RYR1: variants seen among roughly 807,000 people sequenced by gnomAD.
The protein encoded by RYR1 is ryanodine receptor 1, also known as central core disease of muscle.
Under a neutral mutation model 583.5 loss-of-function variants are expected in RYR1, and 342 were observed. The ratio of observed to expected loss-of-function variants is 0.59; its 90% confidence interval spans 0.54 to 0.64. The LOEUF is 0.64. Among genes scored for constraint, RYR1 ranks in the 30% least tolerant of loss-of-function variants. The probability of loss-of-function intolerance (pLI) is 0.00; values close to 1 mark genes in which losing one functional copy is unlikely to be tolerated. For missense variants in RYR1, 6,032 were observed against 6,917.2 expected (o/e 0.87, Z 4.54); for synonymous variants, 2,791 against 2,822.5 (o/e 0.99, Z 0.35).
intron 76 of RYR1, among the ~76,000 whole-genome samples, chr19:38,530,905 C>T (rs936652129): frequency 1.3e-5 from 2 of 151,650 alleles, no homozygotes; most frequent in African/African-American, 2.4e-5. Context: ...CGGGTTCAAG[C>T]GATTCTCCTG....
rs759996435 is a variant in RYR1 at position 38,548,258 on chromosome 19, C to T, written c.12120C>T (p.Ala4040=). 6 of 1,614,088 alleles carry T rather than the reference C, an allele frequency of 3.7e-6. No individual in the cohort carries two copies. The highest frequency in any genetic ancestry group is 5.1e-6 in the Non-Finnish European group (6 of 1,180,042). Residue 4040 remains alanine (A), a synonymous_variant, in exon 89 of 106, where the codon GCC becomes GCT. Transcript: ENST00000359596. ...LEGNVVNGMI[A]RQMVDMLVES... is the part of the protein sequence containing the mutation. The stretch of plus-strand genomic sequence containing the variant: ...GGAACGTGGTGAACGGCATGATCGC[C>T]CGGCAGATGGTGGACATGCTCGTGG...
chr19:38,539,702 A>G (rs946249375), intron 84 of RYR1, among the ~76,000 whole-genome samples: 2 of 152,172 alleles, frequency 1.3e-5, no homozygotes, highest in African/African-American at 2.4e-5. Flanking sequence ...GCCTAAATTC[A>G]TGACCTAATC....
chr19:38,440,780 G>A lies in RYR1; in HGVS notation c.81G>A (p.Val27=), dbSNP rs2145320410. The A allele has an allele frequency of 8.1e-6, 13 of 1,609,016 alleles. No homozygotes were observed. The highest frequency in any genetic ancestry group is 1.1e-5 in the Non-Finnish European group (13 of 1,178,760). Residue 27 remains valine (V), a synonymous_variant, in exon 2 of 106, where the codon GTG becomes GTA. Transcript: ENST00000359596. ...TGGTCCTGCAGTGCAGCGCTACCGT[G>A]CTCAAGGAGCAGCTCAAGCTCTGCC... ...DEVVLQCSAT[V]LKEQLKLCLA...
chr19:38,538,270 C>T (rs1972061305), intron 84 of RYR1, among the ~76,000 whole-genome samples: 1 of 152,118 alleles, frequency 6.6e-6, no homozygotes, highest in Non-Finnish European at 1.5e-5. Flanking sequence ...CGTGGTGGCA[C>T]ATGCTTGTAG....
In RYR1 at chr19:38,525,374, G is replaced by A. The variant is rs1971421824; in HGVS notation, c.10498G>A (p.Gly3500Arg). 1 of 1,613,992 alleles carries A rather than the reference G, an allele frequency of 6.2e-7. No homozygotes were observed. The highest frequency in any genetic ancestry group is 1.1e-5 in the South Asian group (1 of 91,078). The stretch of plus-strand genomic sequence containing the variant: ...GGAACGCACCAAGAAGAAGCGCCGG[G>A]GGGACCGGTACTCTGTGCAGACGTC... Reference protein sequence around the residue: ...DQERTKKKRRGDRYSVQTSLI... With the variant: ...DQERTKKKRRRDRYSVQTSLI... Residue 3500 changes from glycine (G) to arginine (R), a missense_variant, in exon 71 of 106, where the codon GGG becomes AGG. Around this residue, in one of 11 missense-constraint regions of RYR1, gnomAD observed 1,493 missense variants for 1,715.5 expected, o/e 0.87. Coordinates refer to ENST00000359596, the MANE Select transcript of RYR1 (RefSeq NM_000540.3).
intron 33 of RYR1, among the ~76,000 whole-genome samples, chr19:38,484,093 G>T (rs923686996): frequency 3.9e-5 from 6 of 152,094 alleles, no homozygotes; most frequent in African/African-American, 9.7e-5. Context: ...TTGGGAGGCT[G>T]AGGCAGGCAG....
At chr19:38,436,871 T>A (rs115997727) in intron 1 of RYR1, among the ~76,000 whole-genome samples, 2,419 of 152,066 alleles carry the variant, frequency 0.016, 87 homozygotes, top group African/African-American at 0.054. Flanking sequence ...GGTGGTGACC[T>A]CTACCCTTAC....
At chr19:38,454,637 T>C (rs1271528880) in intron 13 of RYR1, among the ~76,000 whole-genome samples, 1 of 152,222 alleles carries the variant, frequency 6.6e-6, no homozygotes, top group Non-Finnish European at 1.5e-5. Context: ...GTATTTCCCC[T>C]AGAAGCAGTG....
chr19:38,493,367 C>T (rs1294304972), intron 38 of RYR1, among the ~76,000 whole-genome samples: 1 of 152,118 alleles, frequency 6.6e-6, no homozygotes, highest in Non-Finnish European at 1.5e-5. Flanking sequence ...GATTTCCTGA[C>T]GTTGGTACAG....
Position 38,502,846 on chromosome 19 carries a change from C to G in RYR1, c.7836-34C>G, listed in dbSNP as rs373543784. 3.4e-5 allele frequency: 55 copies of G among 1,597,946 alleles called. No homozygotes were observed. The Admixed American group carries it at 8.2e-4, about 24-fold the overall frequency. On this transcript the variant is annotated intron_variant, in intron 48 of 105. Coordinates refer to ENST00000359596, the MANE Select transcript of RYR1 (RefSeq NM_000540.3). ...GCAGGGGCAGCAGAGCGGGCCTGGACGGGGGATTCTACATCTTGTGCATTG... is the reference window on the plus strand; with the variant it reads ...GCAGGGGCAGCAGAGCGGGCCTGGAGGGGGGATTCTACATCTTGTGCATTG...
At chr19:38,480,879 C>T (rs537416594) in intron 31 of RYR1, among the ~76,000 whole-genome samples, 2 of 151,986 alleles carry the variant, frequency 1.3e-5, no homozygotes, top group African/African-American at 4.8e-5. Flanking sequence ...AGGTGTGCGC[C>T]ACCACACCCA....
chr19:38,492,692 T>C, intron 38 of RYR1, 56 bp downstream of exon 38: 1 of 1,547,568 alleles, frequency 6.5e-7, no homozygotes, highest in Non-Finnish European at 8.8e-7. Context: ...GCCCCATGCC[T>C]GCGGAGCCTC....
chr19:38,449,198 G>T (rs1328763397), intron 11 of RYR1, among the ~76,000 whole-genome samples: 2 of 152,218 alleles, frequency 1.3e-5, no homozygotes, highest in Non-Finnish European at 2.9e-5. Context: ...GGTGGCTCAT[G>T]CCTGTAATCC....
intron 31 of RYR1, among the ~76,000 whole-genome samples, chr19:38,481,687 G>A (rs1969017425): frequency 6.6e-6 from 1 of 152,224 alleles, no homozygotes. Flanking sequence ...CCTGGAGGCT[G>A]AGGCAGGAGG....
Position 38,565,106 on chromosome 19 carries a change from G to A in RYR1, c.12772G>A (p.Glu4258Lys). Residue 4258 changes from glutamate (E) to lysine (K), a missense_variant, in exon 91 of 106, where the codon GAG becomes AAG. By Grantham distance (56) the Glu-to-Lys change is moderately conservative (BLOSUM62 1). Transcript: ENST00000359596. The surrounding 1 kb of genome is among the most constrained non-coding windows in gnomAD (Gnocchi z 4.7). ...AQISEPEGEPETDEDEGAGAA... is the reference protein window; with the variant it reads ...AQISEPEGEPKTDEDEGAGAA... ...GATCTCGGAGCCCGAGGGCGAGCCGGAGACCGACGAGGACGAGGGCGCGGG... is the reference window on the plus strand; with the variant it reads ...GATCTCGGAGCCCGAGGGCGAGCCGAAGACCGACGAGGACGAGGGCGCGGG... 6.5e-7 allele frequency: 1 copy of A among 1,545,484 alleles called. No homozygotes were observed. The highest frequency in any genetic ancestry group is 8.7e-7 in the Non-Finnish European group (1 of 1,148,922).
chr19:38,526,957 C>T (rs1240597250), intron 71 of RYR1, 36 bp from the exon 72 acceptor site: 1 of 1,611,396 alleles, frequency 6.2e-7, no homozygotes, highest in Non-Finnish European at 8.5e-7. Flanking sequence ...GAGGATGGGA[C>T]CTCCAGAGTG....
chr19:38,529,064 ACT>A lies in RYR1; in HGVS notation c.11141+10_11141+11del. 6.2e-7 allele frequency: 1 copy of A among 1,612,864 alleles called. No homozygotes were observed. The highest frequency in any genetic ancestry group is 1.1e-5 in the South Asian group (1 of 90,958). ...CTGCCCTGACGGAAAAGAGGTGAAGACTCTTGCCAGGGCCCCAGAAATGCCCC... is the reference window on the plus strand; with the variant it reads ...CTGCCCTGACGGAAAAGAGGTGAAGACTTGCCAGGGCCCCAGAAATGCCCC... On this transcript the variant is annotated splice_region_variant and intron_variant, in intron 76 of 105. Coordinates refer to ENST00000359596, the MANE Select transcript of RYR1 (RefSeq NM_000540.3).
chr19:38,585,386 ATGTT>A (rs1395350035), intron 102 of RYR1, among the ~76,000 whole-genome samples: 63 of 145,890 alleles, frequency 4.3e-4, no homozygotes, highest in African/African-American at 1.6e-3. Context: ...ATATATATAT[ATGTT>A]TATTTATATA....
At position 38,573,508 on chromosome 19, in the gene RYR1, C is replaced by T. The variant is rs144856347; in HGVS notation, c.14129+201C>T. On this transcript the variant is annotated intron_variant, in intron 96 of 105. Coordinates refer to ENST00000359596, the MANE Select transcript of RYR1 (RefSeq NM_000540.3). ...CAGCCTGGACAACATGGTGAAATCC[C>T]GTCTCTACTAAAAGTACAAAAATTA... is the stretch of plus-strand genomic sequence containing the variant. Among the ~76,000 whole-genome samples, 556 of 152,088 alleles carry T rather than the reference C, an allele frequency of 3.7e-3. 3 individuals are homozygous for T. Among genetic ancestry groups the T allele is most frequent in the African/African-American group, 0.013 (529 of 41,484 alleles).
Sources: gnomAD v4.1 joint callset for allele counts (sites outside exome capture counted in the v4.1 genomes callset) on GRCh38, gnomAD v4.1.1 for gene constraint, gnomAD v4.1.1 regional missense constraint, Gnocchi (gnomAD v3.1) non-coding constraint, MANE v1.5 for transcripts, NCBI Gene and HGNC (gene_info 2026-07-23, HGNC 2026-07-21) for gene names.